Variants in PRDM5 observed in about 807,000 individuals in gnomAD.
The protein encoded by PRDM5 is PR/SET domain 5.
PRDM5 carries 56 observed loss-of-function variants against 81.2 expected under a neutral mutation model. The ratio of observed to expected loss-of-function variants is 0.69; its 90% CI spans 0.56 to 0.86. The LOEUF is 0.86. PRDM5 is among the 40% of genes least tolerant of loss of function. The probability of loss-of-function intolerance (pLI) is 0.00; values close to 1 mark genes in which losing one functional copy is unlikely to be tolerated. For synonymous variants in PRDM5, 267 were observed against 256.4 expected, an observed-to-expected ratio of 1.04 and a Z score of -0.39; for missense variants, 697 against 770.1, an observed-to-expected ratio of 0.91 and a Z score of 1.12.
intron 3 of PRDM5, among the ~76,000 whole-genome samples, chr4:120,841,725 C>G (rs767968442): frequency 8.5e-5 from 13 of 152,154 alleles, no homozygotes; most frequent in Non-Finnish European, 1.6e-4. Context: ...CACACACCCA[C>G]GCACTCACAC....
At chr4:120,730,375 A>C (rs947518120) in intron 14 of PRDM5, among the ~76,000 whole-genome samples, 1 of 152,230 alleles carries the variant, frequency 6.6e-6, no homozygotes, top group Non-Finnish European at 1.5e-5. Context: ...TGAAAAAGGC[A>C]CATGAATCAT....
chr4:120,707,223 T>C (rs1736305673), intron 15 of PRDM5, among the ~76,000 whole-genome samples: 1 of 151,194 alleles, frequency 6.6e-6, no homozygotes, highest in Admixed American at 6.6e-5. Flanking sequence ...ATTAAAAGGG[T>C]TCTAAATCAT....
chr4:120,888,732 G>C (rs761254789), intron 2 of PRDM5, among the ~76,000 whole-genome samples: 1 of 152,304 alleles, frequency 6.6e-6, no homozygotes, highest in South Asian at 2.1e-4. Context: ...CAGTATATGA[G>C]AGTTTCAGAT....
chr4:120,756,969 T>C (rs1054417320), intron 13 of PRDM5, among the ~76,000 whole-genome samples: 2 of 152,192 alleles, frequency 1.3e-5, no homozygotes, highest in Non-Finnish European at 2.9e-5. Flanking sequence ...TAGCTTTACG[T>C]CTGGTTTTGT....
At chr4:120,876,478 A>G (rs1225422838) in intron 2 of PRDM5, among the ~76,000 whole-genome samples, 2 of 152,154 alleles carry the variant, frequency 1.3e-5, no homozygotes, top group East Asian at 1.9e-4. Context: ...CATTTTTCCC[A>G]TAAGACTTGT....
intron 3 of PRDM5, among the ~76,000 whole-genome samples, chr4:120,843,685 TAAA>T (rs375029200): frequency 7.3e-5 from 9 of 123,494 alleles, no homozygotes; most frequent in African/African-American, 9.1e-5. Flanking sequence ...GATCCGGCCT[TAAA>T]AAAAAAAAAA....
intron 7 of PRDM5, 22 bp from the exon 8 acceptor site, chr4:120,811,471 A>G (rs1354417390): frequency 2.1e-6 from 3 of 1,445,664 alleles, no homozygotes; most frequent in Non-Finnish European, 2.9e-6. Context: ...ATAAAATACC[A>G]TGATGATTTA....
intron 13 of PRDM5, among the ~76,000 whole-genome samples, chr4:120,776,253 C>CT (rs56738208): frequency 0.21 from 31,756 of 152,164 alleles, 3,791 homozygotes; most frequent in Non-Finnish European, 0.28. Context: ...GACCATATGT[C>CT]TTTAAGTTTT....
At chr4:120,735,169 A>C (rs1342732552) in intron 14 of PRDM5, among the ~76,000 whole-genome samples, 1 of 152,216 alleles carries the variant, frequency 6.6e-6, no homozygotes, top group Non-Finnish European at 1.5e-5. Context: ...GGAATTCCCT[A>C]AGATCAATTC....
At chr4:120,687,148 T>C (rs756867132), downstream of PRDM5, among the ~76,000 whole-genome samples, 2 of 152,084 alleles carry the variant, frequency 1.3e-5, no homozygotes, top group Admixed American at 6.6e-5. Flanking sequence ...CTATAGGACA[T>C]ACATTTTCTT....
chr4:120,871,970 G>T (rs1298012710), intron 2 of PRDM5, among the ~76,000 whole-genome samples: 2 of 151,610 alleles, frequency 1.3e-5, no homozygotes, highest in Non-Finnish European at 2.9e-5. Context: ...GACCGACATG[G>T]TGAAACCCCA....
chr4:120,741,726 A>T (rs948527529), intron 14 of PRDM5, among the ~76,000 whole-genome samples: 1 of 152,032 alleles, frequency 6.6e-6, no homozygotes, highest in Non-Finnish European at 1.5e-5. Context: ...CGACAGGCTT[A>T]AAAAAACGGC....
chr4:120,865,597 C>T (rs1043230943), intron 2 of PRDM5, among the ~76,000 whole-genome samples: 24 of 152,300 alleles, frequency 1.6e-4, no homozygotes, highest in African/African-American at 4.1e-4. Flanking sequence ...AGGGTTATAG[C>T]GATGCATGGT....
At chr4:120,747,751 C>G (rs1169472291) in intron 14 of PRDM5, among the ~76,000 whole-genome samples, 3 of 152,166 alleles carry the variant, frequency 2.0e-5, no homozygotes, top group Non-Finnish European at 2.9e-5. Flanking sequence ...TTACTTGTAA[C>G]CACTGGCAAT....
At chr4:120,742,377 C>T (rs1021996198) in intron 14 of PRDM5, among the ~76,000 whole-genome samples, 19 of 152,188 alleles carry the variant, frequency 1.2e-4, no homozygotes, top group Non-Finnish European at 2.6e-4. Flanking sequence ...AGCGCCTCTC[C>T]TCCTCCAAAG....
intron 15 of PRDM5, among the ~76,000 whole-genome samples, chr4:120,701,241 G>A (rs1395694857): frequency 6.8e-6 from 1 of 146,060 alleles, no homozygotes; most frequent in African/African-American, 2.5e-5. Flanking sequence ...ATGTAAATTA[G>A]TTCAACCACT....
At chr4:120,853,657 A>T (rs1173515894) in intron 2 of PRDM5, 117 bp from the exon 3 acceptor site, 10 of 1,330,230 alleles carry the variant, frequency 7.5e-6, no homozygotes, top group Non-Finnish European at 9.7e-6. Flanking sequence ...TTGATGGGTG[A>T]TAAATAGAAG....
chr4:120,821,421 T>A, intron 3 of PRDM5, 76 bp from the exon 4 acceptor site: 1 of 1,360,754 alleles, frequency 7.3e-7, no homozygotes, highest in Non-Finnish European at 1.0e-6. Context: ...TAAGATACAT[T>A]AATGGAGTAC....
intron 14 of PRDM5, among the ~76,000 whole-genome samples, chr4:120,718,150 C>A (rs562233398): frequency 2.0e-5 from 3 of 152,312 alleles, no homozygotes; most frequent in Non-Finnish European, 4.4e-5. Context: ...TAGGGATACA[C>A]CTTTTCTCTA....
Sources: gnomAD v4.1 joint callset for allele counts (sites outside exome capture counted in the v4.1 genomes callset) on GRCh38, gnomAD v4.1.1 for gene constraint, MANE v1.5 for transcripts, NCBI Gene and HGNC (gene_info 2026-07-23, HGNC 2026-07-21) for gene names.